The following PCED1B variants were observed in gnomAD, a reference collection of about 807,000 sequenced individuals.
PCED1B encodes PC-esterase domain containing 1B, also known as PC-esterase domain-containing protein 1B.
For synonymous variants in PCED1B, 251 were observed against 246.1 expected (o/e 1.02, Z -0.19); for missense variants, 573 against 573.9 (o/e 1.00, Z 0.02).
In PCED1B at chr12:47,119,440, C is replaced by A. The variant is rs568784145; in HGVS notation, c.-526+15245C>A. Among the ~76,000 whole-genome samples, 6 of 152,046 alleles carry A rather than the reference C, an allele frequency of 3.9e-5. No individual in the cohort carries two copies. The South Asian group carries it at 1.0e-3, about 26-fold the overall frequency. On this transcript the variant is annotated intron_variant, in intron 2 of 3. Coordinates refer to ENST00000546455, the MANE Select transcript of PCED1B (RefSeq NM_138371.3). The stretch of plus-strand genomic sequence containing the variant: ...GGGCATGGTGGCTCACACCTATAAT[C>A]CCAAAGTATTGGGATTATAGGGAGA...
chr12:47,130,879 T>C (rs1444626047), intron 2 of PCED1B, among the ~76,000 whole-genome samples: 1 of 152,206 alleles, frequency 6.6e-6, no homozygotes, highest in South Asian at 2.1e-4. Flanking sequence ...AGATACAGAT[T>C]ATTATTCTCA....
chr12:47,089,689 C>T (rs891233102), intron 1 of PCED1B, among the ~76,000 whole-genome samples: 18 of 151,518 alleles, frequency 1.2e-4, no homozygotes, highest in Admixed American at 3.3e-4. Flanking sequence ...AAGAGAGATA[C>T]GTTTGCCAAT....
In PCED1B at chr12:47,236,315, C is replaced by G. The variant is rs1305575262; in HGVS notation, c.1252C>G (p.Pro418Ala). 6.2e-7 allele frequency: 1 copy of G among 1,612,304 alleles called. No homozygotes were observed. The highest frequency in any genetic ancestry group is 8.5e-7 in the Non-Finnish European group (1 of 1,179,258). ...PYTPWGQRPRPSKRRAPANPE... is the reference protein window; with the variant it reads ...PYTPWGQRPRASKRRAPANPE... Reference sequence around the variant, plus strand: ...TACGCCCTGGGGACAGCGGCCTCGACCTTCAAAGAGAAGGGCCCCAGCCAA... The same window carrying G: ...TACGCCCTGGGGACAGCGGCCTCGAGCTTCAAAGAGAAGGGCCCCAGCCAA... Residue 418 changes from proline to alanine, a missense_variant, in exon 4 of 4, where the codon CCT becomes GCT. Coordinates refer to ENST00000546455, the MANE Select transcript of PCED1B (RefSeq NM_138371.3).
At chr12:47,151,134 T>TAC (rs144820371) in intron 2 of PCED1B, among the ~76,000 whole-genome samples, 80,540 of 150,142 alleles carry the variant, frequency 0.54, 23,630 homozygotes, top group East Asian at 0.65. Context: ...ATATATAATA[T>TAC]ATACACACAC....
At chr12:47,234,613 A>G (rs1047336347) in intron 3 of PCED1B, among the ~76,000 whole-genome samples, 13 of 152,178 alleles carry the variant, frequency 8.5e-5, no homozygotes, top group African/African-American at 3.1e-4. Context: ...TAACAGTGGC[A>G]TAGCGCTAAC....
At chr12:47,176,523 C>T (rs140563111) in intron 2 of PCED1B, among the ~76,000 whole-genome samples, 8 of 152,350 alleles carry the variant, frequency 5.3e-5, no homozygotes, top group South Asian at 2.1e-4. Flanking sequence ...GGCATGACCA[C>T]GCCGCATGCC....
intron 2 of PCED1B, among the ~76,000 whole-genome samples, chr12:47,163,268 TC>T (rs1308901111): frequency 6.6e-6 from 1 of 152,244 alleles, no homozygotes; most frequent in Non-Finnish European, 1.5e-5. Context: ...TGACTTTGTA[TC>T]CTGCTACTTT....
At chr12:47,194,984 G>A (rs1033206017) in intron 2 of PCED1B, among the ~76,000 whole-genome samples, 1 of 147,206 alleles carries the variant, frequency 6.8e-6, no homozygotes, top group African/African-American at 2.7e-5. Context: ...GTTCTTGTAT[G>A]AGAGGGGGGA....
chr12:47,183,117 T>G (rs952251998), intron 2 of PCED1B, among the ~76,000 whole-genome samples: 1 of 152,186 alleles, frequency 6.6e-6, no homozygotes, highest in Non-Finnish European at 1.5e-5. Context: ...ATAACATATC[T>G]GATATCTTGG....
intron 2 of PCED1B, among the ~76,000 whole-genome samples, chr12:47,179,364 A>G (rs1459859807): frequency 1.3e-5 from 2 of 152,232 alleles, no homozygotes; most frequent in Non-Finnish European, 2.9e-5. Context: ...AGATTTTCAT[A>G]AAGCTTTTCT....
rs975576608 is a variant in PCED1B, at chr12:47,193,020, T to C, written c.-525-23202T>C. 2.0e-5 allele frequency among the ~76,000 whole-genome samples: 3 copies of C among 152,230 alleles called. No homozygotes were observed. The East Asian group carries it at 5.8e-4, about 29-fold the overall frequency. On this transcript the variant is annotated intron_variant, in intron 2 of 3. Coordinates refer to ENST00000546455, the MANE Select transcript of PCED1B (RefSeq NM_138371.3). Reference sequence around the variant, plus strand: ...ACATTATTCTGGGCTTACTGAATGCTTTATGCACACAGATATTTTAGCGCT... The same window carrying C: ...ACATTATTCTGGGCTTACTGAATGCCTTATGCACACAGATATTTTAGCGCT...
At chr12:47,157,086 A>G (rs1941217375) in intron 2 of PCED1B, among the ~76,000 whole-genome samples, 1 of 152,130 alleles carries the variant, frequency 6.6e-6, no homozygotes, top group Admixed American at 6.5e-5. Flanking sequence ...TTCAGGACCT[A>G]ACAAACATCA....
intron 2 of PCED1B, among the ~76,000 whole-genome samples, chr12:47,191,069 G>A (rs925049614): frequency 6.6e-5 from 10 of 152,164 alleles, no homozygotes; most frequent in South Asian, 2.1e-4. Flanking sequence ...ACCCTCTAAC[G>A]AAATGACTAT....
chr12:47,161,195 T>A (rs1266534565), intron 2 of PCED1B, among the ~76,000 whole-genome samples: 1 of 152,196 alleles, frequency 6.6e-6, no homozygotes, highest in Non-Finnish European at 1.5e-5. Flanking sequence ...CACAAAGCAG[T>A]CAAAGACAAT....
chr12:47,126,777 A>G (rs974906000), intron 2 of PCED1B, among the ~76,000 whole-genome samples: 1 of 152,230 alleles, frequency 6.6e-6, no homozygotes, highest in South Asian at 2.1e-4. Context: ...TGTCAAATTT[A>G]TTTGCATAAA....
chr12:47,232,762 G>GA (rs1372458240), intron 3 of PCED1B, among the ~76,000 whole-genome samples: 2 of 152,050 alleles, frequency 1.3e-5, no homozygotes, highest in African/African-American at 4.8e-5. Context: ...GTGTTGGAGA[G>GA]AAAAAACTTT....
At chr12:47,105,769 G>A (rs1019014934) in intron 2 of PCED1B, among the ~76,000 whole-genome samples, 1 of 152,134 alleles carries the variant, frequency 6.6e-6, no homozygotes, top group African/African-American at 2.4e-5. Context: ...GCTGTTTGTG[G>A]AAGGAAAAAG....
intron 2 of PCED1B, among the ~76,000 whole-genome samples, chr12:47,178,413 G>A (rs1286266662): frequency 6.6e-6 from 1 of 152,210 alleles, no homozygotes; most frequent in Non-Finnish European, 1.5e-5. Context: ...GCAGTGCTAA[G>A]TTACTACTTA....
In PCED1B at chr12:47,228,656, GGTCAGGA is replaced by G. The variant is rs1943706503; in HGVS notation, c.-57-6348_-57-6342del. 2.0e-5 allele frequency among the ~76,000 whole-genome samples: 3 copies of G among 152,164 alleles called. No individual in the cohort carries two copies. In the South Asian group the frequency reaches 6.2e-4, roughly 32 times the overall value. ...AGGCCAAGGCGGGCAGATCATCTGAGGTCAGGAGTTCAAGACCAGCCTGGCCAAAATG... is the reference window on the plus strand; with the variant it reads ...AGGCCAAGGCGGGCAGATCATCTGAGGTTCAAGACCAGCCTGGCCAAAATG... On this transcript the variant is annotated intron_variant, in intron 3 of 3. Transcript: ENST00000546455.
Sources: gnomAD v4.1 joint callset for allele counts (sites outside exome capture counted in the v4.1 genomes callset) on GRCh38, gnomAD v4.1.1 for gene constraint, MANE v1.5 for transcripts, NCBI Gene and HGNC (gene_info 2026-07-23, HGNC 2026-07-21) for gene names.